Variants in TRMT2B observed in about 807,000 individuals in gnomAD.
TRMT2B encodes the protein tRNA (uracil-5-)-methyltransferase homolog B.
In TRMT2B, 34 loss-of-function variants were observed where a neutral mutation model predicts 39.7. The observed-to-expected ratio is 0.86, with a 90% CI of 0.65 to 1.14. The LOEUF is 1.14. Among genes scored for constraint, TRMT2B ranks in the 50% most tolerant of loss-of-function variants. TRMT2B has a pLI of 0.00. For synonymous variants in TRMT2B, 132 were observed against 137.3 expected (o/e 0.96, Z 0.27); for missense variants, 318 against 377.2 (o/e 0.84, Z 1.30).
the TRMT2B span, among the ~76,000 whole-genome samples, chrX:100,993,292 C>T: frequency 8.9e-6 from 1 of 112,005 alleles, no homozygotes; most frequent in Non-Finnish European, 1.9e-5. Context: ...ATACTGTATC[C>T]TCCCTGGGTC....
chrX:101,025,719 G>A (rs2087032071), intron 7 of TRMT2B, among the ~76,000 whole-genome samples: 1 of 111,561 alleles, frequency 9.0e-6, no homozygotes, highest in South Asian at 3.7e-4. Flanking sequence ...AGCACTTTGA[G>A]AGGCCGAGGT....
At chrX:100,973,851 G>A in the TRMT2B span, 4 of 889,261 alleles carry the variant, frequency 4.5e-6, no homozygotes, top group Non-Finnish European at 6.5e-6. Context: ...ATTGTTAGGT[G>A]AAGTGATTAA....
intron 7 of TRMT2B, 109 bp downstream of exon 7, chrX:101,035,504 T>G: frequency 1.5e-6 from 1 of 674,134 alleles, no homozygotes; most frequent in Non-Finnish European, 2.4e-6. Flanking sequence ...ACAGAGCCCC[T>G]CCTTCCCTCT....
At chrX:101,028,112 CTTTTTTTTTTTT>C (rs1161374681) in intron 7 of TRMT2B, among the ~76,000 whole-genome samples, 14 of 78,434 alleles carry the variant, frequency 1.8e-4, no homozygotes, top group African/African-American at 6.6e-4. Context: ...ACTTCTTGCT[CTTTTTTTTTTTT>C]TTTTTTTTTT....
At chrX:101,006,446 GAAGA>G (rs2090710988), downstream of TRMT2B, among the ~76,000 whole-genome samples, 2 of 110,212 alleles carry the variant, frequency 1.8e-5, no homozygotes, top group Admixed American at 2.0e-4. Flanking sequence ...CTTATGCTTA[GAAGA>G]TAGATGTATA....
At chrX:101,044,262 A>C (rs2088456410) in intron 2 of TRMT2B, among the ~76,000 whole-genome samples, 1 of 111,060 alleles carries the variant, frequency 9.0e-6, no homozygotes. Flanking sequence ...AAAAAAAAAA[A>C]AAAAAAGCAA....
chrX:101,021,885 C>T lies in TRMT2B; in HGVS notation c.851+83G>A, dbSNP rs1002585411. The stretch of plus-strand genomic sequence containing the variant: ...AGAACCATTTAGCCAATATCCTCCA[C>T]CATCAATCAGCAACCCTGCATCAGC... On this transcript the variant is annotated intron_variant, in intron 9 of 13. Transcript: ENST00000372936. 4.5e-5 allele frequency: 32 copies of T among 713,930 alleles called. 1 individual carries two copies. Among genetic ancestry groups the T allele is most frequent in the Non-Finnish European group, 7.1e-5 (32 of 448,302 alleles). The allele number at this position is 713,930 out of a possible 1,213,427, so 58.8% of individuals were successfully genotyped here.
the TRMT2B span, among the ~76,000 whole-genome samples, chrX:101,001,586 T>C: frequency 2.7e-5 from 3 of 110,025 alleles, no homozygotes; most frequent in African/African-American, 9.9e-5. Context: ...CCAGGGTTCA[T>C]TGGAAATGGC....
At position 101,019,422 on chromosome X, in the gene TRMT2B, C is replaced by T; in HGVS notation, c.1169-19G>A. Reference sequence around the variant, plus strand: ...GTGATGCCTATGGAAGACAGGCCCACAGGACATAACTCAAGCCCAGCAGTA... The same window carrying T: ...GTGATGCCTATGGAAGACAGGCCCATAGGACATAACTCAAGCCCAGCAGTA... On this transcript the variant is annotated intron_variant, in intron 11 of 13. Coordinates refer to ENST00000372936, the MANE Select transcript of TRMT2B (RefSeq NM_024917.6). The T allele has an allele frequency of 8.3e-7, 1 of 1,209,659 alleles. No homozygotes were observed. The highest frequency in any genetic ancestry group is 1.1e-6 in the Non-Finnish European group (1 of 894,882).
chrX:100,976,602 G>T, the TRMT2B span, among the ~76,000 whole-genome samples: 1 of 111,993 alleles, frequency 8.9e-6, no homozygotes, highest in African/African-American at 3.2e-5. Context: ...TGTTTTTGTT[G>T]TTGTTGTTAG....
rs1052642111 is a variant in TRMT2B at position 101,033,754 on chromosome X, GA to G, written c.609+1858del. On this transcript the variant is annotated intron_variant, in intron 7 of 13. Coordinates refer to ENST00000372936, the MANE Select transcript of TRMT2B (RefSeq NM_024917.6). ...AAAAAAGTCAAGTATATTATTCTGT[GA>G]AAAAAAATCAAGATGCAGAACAATG... 4.7e-4 allele frequency among the ~76,000 whole-genome samples: 51 copies of G among 109,441 alleles called. 1 individual carries two copies. Among genetic ancestry groups the G allele is most frequent in the Non-Finnish European group, 8.2e-4 (43 of 52,586 alleles).
At chrX:100,979,427 T>C in the TRMT2B span, among the ~76,000 whole-genome samples, 1 of 112,246 alleles carries the variant, frequency 8.9e-6, no homozygotes, top group East Asian at 2.8e-4. Context: ...GTTTTTTTCC[T>C]TGATATACTT....
At chrX:101,008,956 G>T (rs1218093280), downstream of TRMT2B, among the ~76,000 whole-genome samples, 3 of 111,386 alleles carry the variant, frequency 2.7e-5, no homozygotes, top group Non-Finnish European at 5.6e-5. Context: ...TCTGCCTCCT[G>T]CCCACCCTGG....
At chrX:101,048,209 G>A (rs1439971764) in intron 2 of TRMT2B, among the ~76,000 whole-genome samples, 1 of 109,513 alleles carries the variant, frequency 9.1e-6, no homozygotes, top group Non-Finnish European at 1.9e-5. Flanking sequence ...GGAGGATGAC[G>A]ACATAGGTGC....
the TRMT2B span, among the ~76,000 whole-genome samples, chrX:100,992,417 C>T: frequency 9.0e-6 from 1 of 110,868 alleles, no homozygotes; most frequent in Non-Finnish European, 1.9e-5. Context: ...CCCATCTCTA[C>T]TAAAAATACA....
Position 101,019,414 on chromosome X carries a change from C to G in TRMT2B, c.1169-11G>C. ...CAGAGTTGGTGATGCCTATGGAAGACAGGCCCACAGGACATAACTCAAGCC... is the reference window on the plus strand; with the variant it reads ...CAGAGTTGGTGATGCCTATGGAAGAGAGGCCCACAGGACATAACTCAAGCC... On this transcript the variant is annotated splice_polypyrimidine_tract_variant and intron_variant, in intron 11 of 13. Coordinates refer to ENST00000372936, the MANE Select transcript of TRMT2B (RefSeq NM_024917.6). 4 of 1,210,165 alleles carry G rather than the reference C, an allele frequency of 3.3e-6. No individual in the cohort carries two copies. The highest frequency in any genetic ancestry group is 4.5e-6 in the Non-Finnish European group (4 of 895,109).
chrX:101,045,120 C>T (rs1422946419), intron 2 of TRMT2B, among the ~76,000 whole-genome samples: 7 of 108,244 alleles, frequency 6.5e-5, no homozygotes, highest in Non-Finnish European at 1.3e-4. Context: ...CTCAGGAGTT[C>T]GAAACAAGCC....
the TRMT2B span, chrX:100,987,473 T>C: frequency 8.3e-7 from 1 of 1,209,465 alleles, no homozygotes; most frequent in African/African-American, 1.7e-5. Context: ...TAGCTGTCAT[T>C]GATACTTGCC....
At chrX:101,020,700 C>G in intron 10 of TRMT2B, 112 bp from the exon 11 acceptor site, 7 of 603,307 alleles carry the variant, frequency 1.2e-5, no homozygotes, top group Non-Finnish European at 1.9e-5. Flanking sequence ...AACAGGGTCT[C>G]ACTCTGTAGC....
Sources: gnomAD v4.1 joint callset for allele counts (sites outside exome capture counted in the v4.1 genomes callset) on GRCh38, gnomAD v4.1.1 for gene constraint, MANE v1.5 for transcripts, NCBI Gene and HGNC (gene_info 2026-07-23, HGNC 2026-07-21) for gene names.